The following SLCO1B3 variants were observed in gnomAD, a reference collection of about 807,000 sequenced individuals.
SLCO1B3 encodes solute carrier organic anion transporter family member 1B3.
Under a neutral mutation model 71.8 loss-of-function variants are expected in SLCO1B3, and 72 were observed. The observed-to-expected ratio is 1.00, with a 90% CI of 0.83 to 1.22. SLCO1B3 has a LOEUF of 1.22. Among genes scored for constraint, SLCO1B3 ranks in the 50% most tolerant of loss-of-function variants. SLCO1B3 has a pLI of 0.00. For missense variants in SLCO1B3, 911 were observed against 819.7 expected, an observed-to-expected ratio of 1.11 and a Z score of -1.36; for synonymous variants, 298 against 278.4, an observed-to-expected ratio of 1.07 and a Z score of -0.70.
chr12:20,841,514 C>CCATAA (rs1565585107), intron 3 of SLCO1B3, among the ~76,000 whole-genome samples: 54 of 151,896 alleles, frequency 3.6e-4, no homozygotes, highest in Admixed American at 3.5e-3. Flanking sequence ...CATAATTGCA[C>CCATAA]TGTGGCAGAT....
chr12:20,855,665 T>G (rs1865119398), intron 4 of SLCO1B3, among the ~76,000 whole-genome samples: 1 of 151,660 alleles, frequency 6.6e-6, no homozygotes, highest in Non-Finnish European at 1.5e-5. Flanking sequence ...AGTCTTTTTT[T>G]TTTTTTGAAC....
At chr12:20,812,876 G>T (rs1864132067) in intron 1 of SLCO1B3, among the ~76,000 whole-genome samples, 1 of 152,088 alleles carries the variant, frequency 6.6e-6, no homozygotes, top group Non-Finnish European at 1.5e-5. Flanking sequence ...CGTTCAAAAA[G>T]ATTTGCAATT....
intron 3 of SLCO1B3, among the ~76,000 whole-genome samples, chr12:20,844,102 A>G (rs987519273): frequency 9.9e-5 from 15 of 151,824 alleles, no homozygotes; most frequent in Admixed American, 3.3e-4. Flanking sequence ...ATCTTTGTAC[A>G]CTTTAAACAT....
chr12:20,901,340 C>A lies in SLCO1B3; in HGVS notation c.1748-10C>A, dbSNP rs377578987. 4.1e-6 allele frequency: 6 copies of A among 1,450,052 alleles called. No homozygotes were observed. In the African/African-American group the frequency reaches 8.4e-5, roughly 20 times the overall value. The allele number at this position is 1,450,052 out of a possible 1,614,324, so 89.8% of individuals were successfully genotyped here. A position where few individuals can be genotyped will look rare whatever the true frequency, so the allele number is the denominator to read the frequency against. ...CACTTGGATTGATATCTTTTTATCT[C>A]ATGTTGCAGGAGGAATTCTAGCTCC... On this transcript the variant is annotated splice_polypyrimidine_tract_variant and intron_variant, in intron 14 of 15. Transcript: ENST00000381545.
At chr12:20,892,984 A>G (rs1009005628) in intron 13 of SLCO1B3, among the ~76,000 whole-genome samples, 1 of 152,186 alleles carries the variant, frequency 6.6e-6, no homozygotes, top group African/African-American at 2.4e-5. Flanking sequence ...TTTACAGAAT[A>G]TATGCAGATG....
intron 8 of SLCO1B3, among the ~76,000 whole-genome samples, chr12:20,871,150 A>G (rs751297049): frequency 1.3e-5 from 2 of 151,908 alleles, no homozygotes; most frequent in African/African-American, 4.8e-5. Context: ...AGTTTTTTTG[A>G]TGTGTGTTTG....
intron 8 of SLCO1B3, 91 bp downstream of exon 8, chr12:20,862,945 T>A: frequency 1.6e-6 from 1 of 638,250 alleles, no homozygotes; most frequent in Non-Finnish European, 2.7e-6. Context: ...TTTCAATAGT[T>A]CTTTGTTTAC....
In SLCO1B3 at chr12:20,822,510, A is replaced by C. The variant is rs569982369; in HGVS notation, c.84+6688A>C. On this transcript the variant is annotated intron_variant, in intron 3 of 15. Coordinates refer to ENST00000381545, the MANE Select transcript of SLCO1B3 (RefSeq NM_019844.4). ...GGAATGTCATCAGTTAAGGCGGGGC[A>C]GGGCCTTTCACTTCTTTTGTGATTC... 3.3e-5 allele frequency among the ~76,000 whole-genome samples: 5 copies of C among 152,240 alleles called. No homozygotes were observed. In the East Asian group the frequency reaches 9.7e-4, roughly 30 times the overall value.
chr12:20,841,350 A>T (rs10841668), intron 3 of SLCO1B3, among the ~76,000 whole-genome samples: 133,347 of 152,094 alleles, frequency 0.88, 58,537 homozygotes, highest in East Asian at 0.99. Context: ...TATATTTTTT[A>T]AAATTGTATT....
intron 15 of SLCO1B3, 73 bp from the exon 16 acceptor site, chr12:20,915,931 C>T (rs1866484268): frequency 1.7e-6 from 2 of 1,199,608 alleles, no homozygotes; most frequent in Admixed American, 4.7e-5. Flanking sequence ...GATATGCATA[C>T]TGGGGAGAAA....
intron 6 of SLCO1B3, among the ~76,000 whole-genome samples, chr12:20,861,941 T>TA (rs751789633): frequency 7.6e-6 from 1 of 131,450 alleles, no homozygotes; most frequent in African/African-American, 2.5e-5. Flanking sequence ...TTTAACAGAA[T>TA]AAAAAAAAAT....
At chr12:20,915,895 G>A (rs561075817) in intron 15 of SLCO1B3, 109 bp from the exon 16 acceptor site, 117 of 718,200 alleles carry the variant, frequency 1.6e-4, no homozygotes, top group Non-Finnish European at 2.5e-4. Context: ...ATATTTGTAT[G>A]TGTAACTTGT....
At chr12:20,844,244 A>G (rs1385130285) in intron 3 of SLCO1B3, among the ~76,000 whole-genome samples, 1 of 151,956 alleles carries the variant, frequency 6.6e-6, no homozygotes, top group East Asian at 1.9e-4. Flanking sequence ...TACCTTACAT[A>G]TATATATGTA....
chr12:20,909,841 T>G (rs1866339166), intron 15 of SLCO1B3, among the ~76,000 whole-genome samples: 1 of 152,120 alleles, frequency 6.6e-6, no homozygotes, highest in Admixed American at 6.5e-5. Flanking sequence ...CTCCTATTGA[T>G]GTGATCATGT....
intron 13 of SLCO1B3, among the ~76,000 whole-genome samples, chr12:20,891,963 T>C (rs1865912695): frequency 6.6e-6 from 1 of 152,092 alleles, no homozygotes; most frequent in African/African-American, 2.4e-5. Flanking sequence ...AACTTTCTTT[T>C]GGATCTCAAG....
At chr12:20,888,393 C>A (rs923117092) in intron 13 of SLCO1B3, among the ~76,000 whole-genome samples, 4 of 151,630 alleles carry the variant, frequency 2.6e-5, no homozygotes, top group African/African-American at 9.7e-5. Context: ...TTTTGTAGTT[C>A]TCCTCGTAGA....
In SLCO1B3 at chr12:20,830,594, A is replaced by T. The variant is rs752846248; in HGVS notation, c.84+14772A>T. ...ACCTGTAGCTACCTGCTTAGGAACA[A>T]AAGAAAAAGCCGCTTTTGGTGACTC... On this transcript the variant is annotated intron_variant, in intron 3 of 15. Coordinates refer to ENST00000381545, the MANE Select transcript of SLCO1B3 (RefSeq NM_019844.4). 2.0e-4 allele frequency among the ~76,000 whole-genome samples: 30 copies of T among 152,304 alleles called. 1 individual carries two copies. The highest frequency in any genetic ancestry group is 6.8e-3 in the Middle Eastern group (2 of 294).
chr12:20,870,917 T>C (rs927505330), intron 8 of SLCO1B3, among the ~76,000 whole-genome samples: 4 of 152,192 alleles, frequency 2.6e-5, no homozygotes, highest in African/African-American at 9.6e-5. Context: ...TTTTATCAAG[T>C]GCTTTTTTAG....
intron 6 of SLCO1B3, among the ~76,000 whole-genome samples, chr12:20,862,112 C>A (rs4149121): frequency 6.6e-6 from 1 of 151,844 alleles, no homozygotes; most frequent in Admixed American, 6.6e-5. Flanking sequence ...TAAAAATAAC[C>A]TGGATTTTTA....
Sources: gnomAD v4.1 joint callset for allele counts (sites outside exome capture counted in the v4.1 genomes callset) on GRCh38, gnomAD v4.1.1 for gene constraint, MANE v1.5 for transcripts, NCBI Gene and HGNC (gene_info 2026-07-23, HGNC 2026-07-21) for gene names.